PHF7: variants seen among roughly 807,000 people sequenced by gnomAD.
PHF7 encodes E3 ubiquitin-protein ligase PHF7.
A neutral mutation model predicts 47.5 loss-of-function variants in PHF7; 24 were observed. The ratio of observed to expected loss-of-function variants is 0.51; its 90% confidence interval spans 0.37 to 0.71. PHF7 has a LOEUF of 0.71. Among genes scored for constraint, PHF7 ranks in the 30% least tolerant of loss-of-function variants. The probability of loss-of-function intolerance (pLI) is 0.00; values close to 1 mark genes in which losing one functional copy is unlikely to be tolerated. For missense variants in PHF7, 361 were observed against 456.8 expected, an observed-to-expected ratio of 0.79 and a Z score of 1.91; for synonymous variants, 156 against 153.8, an observed-to-expected ratio of 1.01 and a Z score of -0.11.
At chr3:52,420,528 G>A (rs1705755483) in intron 6 of PHF7, 93 bp downstream of exon 6, 4 of 1,247,770 alleles carry the variant, frequency 3.2e-6, no homozygotes, top group Admixed American at 3.6e-5. Context: ...AAGCAGGCCT[G>A]TTTTGATTCA....
At position 52,412,933 on chromosome 3, in the gene PHF7, G is replaced by A. The variant is rs745966835; in HGVS notation, c.41+13G>A. 1.9e-6 allele frequency: 3 copies of A among 1,602,898 alleles called. No homozygotes were observed. Among genetic ancestry groups the A allele is most frequent in the Admixed American group, 3.3e-5 (2 of 60,016 alleles). On this transcript the variant is annotated intron_variant, in intron 2 of 10. Coordinates refer to ENST00000327906, the MANE Select transcript of PHF7 (RefSeq NM_016483.7). Reference sequence around the variant, plus strand: ...GCCAGAGATTGAGGTAGAAGTAGTTGACATAGGGAATTTGGGAGAAATTGT... The same window carrying A: ...GCCAGAGATTGAGGTAGAAGTAGTTAACATAGGGAATTTGGGAGAAATTGT...
intron 1 of PHF7, among the ~76,000 whole-genome samples, chr3:52,412,183 C>T (rs914934532): frequency 6.7e-6 from 1 of 149,682 alleles, no homozygotes; most frequent in African/African-American, 2.5e-5. Context: ...GCCTGGGCAA[C>T]AATGAGAGAC....
intron 5 of PHF7, 142 bp downstream of exon 5, chr3:52,420,076 A>G: frequency 1.4e-6 from 1 of 726,444 alleles, no homozygotes; most frequent in East Asian, 2.7e-5. Context: ...TAAGTCCCAT[A>G]TTCCTCTGGG....
chr3:52,415,820 A>G (rs957122310), intron 4 of PHF7, among the ~76,000 whole-genome samples: 1 of 152,234 alleles, frequency 6.6e-6, no homozygotes, highest in Non-Finnish European at 1.5e-5. Context: ...TTTGAGGACT[A>G]TTATGAATAA....
chr3:52,422,110 G>A, intron 8 of PHF7, 112 bp from the exon 9 acceptor site: 1 of 778,144 alleles, frequency 1.3e-6, no homozygotes, highest in Non-Finnish European at 2.3e-6. Context: ...TGTTCAGGCA[G>A]CCTACTGAAC....
chr3:52,420,152 C>A, intron 5 of PHF7, 159 bp from the exon 6 acceptor site: 1 of 870,498 alleles, frequency 1.1e-6, no homozygotes, highest in Non-Finnish European at 2.0e-6. Flanking sequence ...CTCAGTGCTG[C>A]TTGAAGCTCA....
At position 52,412,842 on chromosome 3, in the gene PHF7, A is replaced by G. The variant is rs370696935; in HGVS notation, c.-38A>G. 169 of 1,522,320 alleles carry G rather than the reference A, an allele frequency of 1.1e-4. No individual in the cohort carries two copies. Among genetic ancestry groups the G allele is most frequent in the Middle Eastern group, 6.7e-4 (4 of 5,926 alleles). 94.3% of individuals were successfully genotyped at this position (1,522,320 alleles called of 1,614,324 possible). A position where few individuals can be genotyped will look rare whatever the true frequency, so the allele number is the denominator to read the frequency against. The stretch of plus-strand genomic sequence containing the variant: ...GAGCCTGTATTGTCCTCACAATAGT[A>G]TAGAAGAATTCAAGAGAGGAGAGAG... On this transcript the variant is annotated 5_prime_UTR_variant, in exon 2 of 11. Transcript: ENST00000327906.
At chr3:52,411,656 C>T (rs1434404776) in intron 1 of PHF7, among the ~76,000 whole-genome samples, 1 of 152,264 alleles carries the variant, frequency 6.6e-6, no homozygotes, top group East Asian at 1.9e-4. Context: ...CTTCTCCTCT[C>T]CCCTGACTAG....
intron 3 of PHF7, among the ~76,000 whole-genome samples, 159 bp from the exon 4 acceptor site, chr3:52,414,337 A>C (rs538862468): frequency 6.6e-6 from 1 of 152,254 alleles, no homozygotes; most frequent in Non-Finnish European, 1.5e-5. Flanking sequence ...AGACTAATTG[A>C]TACCACATAA....
Position 52,411,140 on chromosome 3 carries a change from C to G in PHF7, c.-177C>G, listed in dbSNP as rs1705414666. ...TGTGGAAGCCTCATTTGCAAAGCCA[C>G]CCCTCAGATGTTTTGAAGATCGTGA... On this transcript the variant is annotated 5_prime_UTR_variant, in exon 1 of 11. Coordinates refer to ENST00000327906, the MANE Select transcript of PHF7 (RefSeq NM_016483.7). 6.6e-6 allele frequency: 1 copy of G among 152,252 alleles called. No individual in the cohort carries two copies. 9.4% of individuals were successfully genotyped at this position (152,252 alleles called of 1,614,324 possible).
At position 52,423,308 on chromosome 3, in the gene PHF7, A is replaced by G. The variant is rs377236379; in HGVS notation, c.1137A>G (p.Lys379=). 6.2e-7 allele frequency: 1 copy of G among 1,608,844 alleles called. No individual in the cohort carries two copies. Among genetic ancestry groups the G allele is most frequent in the African/African-American group, 1.3e-5 (1 of 74,938 alleles). Residue 379 remains lysine, a synonymous_variant, in exon 11 of 11, where the codon AAA becomes AAG. Transcript: ENST00000327906. The part of the protein sequence containing the change: ...KGVRITNSCK[K]SK ...TCAGAATCACTAACAGCTGCAAAAAATCCAAGTAACACCTTCTGAGTAGCT... is the reference window on the plus strand; with the variant it reads ...TCAGAATCACTAACAGCTGCAAAAAGTCCAAGTAACACCTTCTGAGTAGCT...
rs1413214209 is a variant in PHF7 at position 52,414,524 on chromosome 3, GGATCCC to G, written c.126_131del (p.Asp42_Pro43del). On this transcript the variant is annotated inframe_deletion, in exon 4 of 11. Transcript: ENST00000327906. ...GCTGGCTATGCCTTCGAGAACCTGG[GGATCCC>G]GAAAAATTAGGGGAATTTCTTCAGA... is the stretch of plus-strand genomic sequence containing the variant. 3 of 1,612,472 alleles carry G rather than the reference GGATCCC, an allele frequency of 1.9e-6. No individual in the cohort carries two copies. The highest frequency in any genetic ancestry group is 2.5e-6 in the Non-Finnish European group (3 of 1,179,118).
intron 4 of PHF7, among the ~76,000 whole-genome samples, chr3:52,417,694 G>A (rs1425122759): frequency 6.6e-6 from 1 of 152,130 alleles, no homozygotes; most frequent in Non-Finnish European, 1.5e-5. Context: ...CCTTGTTACA[G>A]GATTCCCTAT....
chr3:52,414,752 T>A, intron 4 of PHF7, 165 bp downstream of exon 4: 1 of 368,952 alleles, frequency 2.7e-6, no homozygotes, highest in Non-Finnish European at 4.9e-6. Context: ...CTCACGCCTG[T>A]AATCCCAGCA....
At chr3:52,415,717 G>A (rs2153228999) in intron 4 of PHF7, among the ~76,000 whole-genome samples, 1 of 152,272 alleles carries the variant, frequency 6.6e-6, no homozygotes, top group East Asian at 1.9e-4. Flanking sequence ...TTCATAGCTT[G>A]TGCCTTTTTA....
intron 1 of PHF7, among the ~76,000 whole-genome samples, chr3:52,412,593 A>G (rs546752224): frequency 1.3e-3 from 194 of 152,048 alleles, no homozygotes; most frequent in African/African-American, 4.4e-3. Context: ...GGATACTTAA[A>G]CCTCTCTGTG....
chr3:52,419,161 A>G (rs1234720201), intron 4 of PHF7, among the ~76,000 whole-genome samples: 1 of 152,170 alleles, frequency 6.6e-6, no homozygotes, highest in Non-Finnish European at 1.5e-5. Context: ...CCAAAGTCCC[A>G]GCACACAATA....
chr3:52,422,167 C>T, intron 8 of PHF7, 55 bp from the exon 9 acceptor site: 1 of 1,237,856 alleles, frequency 8.1e-7, no homozygotes, highest in Non-Finnish European at 1.2e-6. Flanking sequence ...CCCTGATGGA[C>T]AAAAGTTTCA....
chr3:52,411,712 C>CT (rs1705444372), intron 1 of PHF7, among the ~76,000 whole-genome samples: 1 of 152,244 alleles, frequency 6.6e-6, no homozygotes, highest in Non-Finnish European at 1.5e-5. Context: ...TTCCCGTTCA[C>CT]TTTCAGGGAT....
Sources: gnomAD v4.1 joint callset for allele counts (sites outside exome capture counted in the v4.1 genomes callset) on GRCh38, gnomAD v4.1.1 for gene constraint, MANE v1.5 for transcripts, NCBI Gene and HGNC (gene_info 2026-07-23, HGNC 2026-07-21) for gene names.